Variants in CHD7 observed in about 807,000 individuals in gnomAD.
CHD7 encodes the protein ATP-dependent chromatin remodeler CHD7.
CHD7 carries 24 observed loss-of-function variants against 307.3 expected under a neutral mutation model. That is an observed-to-expected ratio of 0.08 (90% CI 0.06 to 0.11). CHD7 has a LOEUF of 0.11. CHD7 is among the 10% of genes least tolerant of loss of function. CHD7 has a pLI of 1.00. For missense variants in CHD7, 3,106 were observed against 3,727.1 expected (o/e 0.83, Z 4.34); for synonymous variants, 1,363 against 1,349.9 (o/e 1.01, Z -0.21).
At chr8:60,737,396 C>G (rs142695961) in intron 1 of CHD7, among the ~76,000 whole-genome samples, 10 of 152,228 alleles carry the variant, frequency 6.6e-5, no homozygotes, top group Middle Eastern at 3.4e-3. Flanking sequence ...TCATTTCTTT[C>G]ATCTTTGGGA....
Position 60,848,586 on chromosome 8 carries a change from T to C in CHD7, c.5282T>C (p.Leu1761Ser). ...EVIGDQADKI[L>S]EGADSSEADV... Reference sequence around the variant, plus strand: ...ATAGGAGACCAGGCGGATAAGATCTTAGAGGGTGCTGACTCAAGGTTAGTG... The same window carrying C: ...ATAGGAGACCAGGCGGATAAGATCTCAGAGGGTGCTGACTCAAGGTTAGTG... Residue 1761 changes from leucine to serine, a missense_variant, in exon 24 of 38, where the codon TTA (leucine) becomes TCA (serine). Around this residue, in one of 10 missense-constraint regions of CHD7, gnomAD observed 1,030 missense variants for 1,165.4 expected, o/e 0.88. Transcript: ENST00000423902. 1.2e-6 allele frequency: 2 copies of C among 1,613,434 alleles called. No individual in the cohort carries two copies. The highest frequency in any genetic ancestry group is 1.7e-6 in the Non-Finnish European group (2 of 1,179,626).
chr8:60,822,067 G>A lies in CHD7; in HGVS notation c.2879G>A (p.Arg960Lys), dbSNP rs1177102112. The A allele has an allele frequency of 6.2e-7, 1 of 1,613,822 alleles. No homozygotes were observed. The highest frequency in any genetic ancestry group is 1.1e-5 in the South Asian group (1 of 91,084). ...ADDWKKSESS[R>K]EYKNNNKLRE... ...GATTGGAAGAAATCGGAGAGTTCCA[G>A]GGAGTATAAAAACAATAACAAACTC... is the stretch of plus-strand genomic sequence containing the variant. The change falls in exon 11 of 38, where the codon AGG becomes AAG. Residue 960 changes from arginine to lysine, a missense_variant. Around this residue, in one of 10 missense-constraint regions of CHD7, gnomAD observed 188 missense variants for 261.7 expected, o/e 0.72. Transcript: ENST00000423902.
intron 3 of CHD7, among the ~76,000 whole-genome samples, chr8:60,783,940 T>C (rs1811377152): frequency 6.6e-6 from 1 of 152,198 alleles, no homozygotes; most frequent in Non-Finnish European, 1.5e-5. Context: ...GGTAGTTGAA[T>C]TGAGGTTTTA....
chr8:60,844,125 G>T (rs1805095918), intron 21 of CHD7, among the ~76,000 whole-genome samples: 1 of 152,202 alleles, frequency 6.6e-6, no homozygotes, highest in Admixed American at 6.5e-5. Flanking sequence ...GTACCTATTT[G>T]TTGTGTGGTC....
chr8:60,782,735 T>C (rs1264941538), intron 3 of CHD7, among the ~76,000 whole-genome samples: 2 of 152,228 alleles, frequency 1.3e-5, no homozygotes, highest in East Asian at 3.8e-4. Context: ...CTTTATAAAA[T>C]CTGTTTTTAT....
At chr8:60,838,471 A>T (rs987947943) in intron 19 of CHD7, among the ~76,000 whole-genome samples, 5 of 152,080 alleles carry the variant, frequency 3.3e-5, no homozygotes, top group Admixed American at 1.3e-4. Flanking sequence ...TCATCCTTGT[A>T]TCTGCTTCCC....
intron 15 of CHD7, among the ~76,000 whole-genome samples, 200 bp downstream of exon 15, chr8:60,830,777 C>T (rs1804475880): frequency 6.6e-6 from 1 of 152,104 alleles, no homozygotes; most frequent in Non-Finnish European, 1.5e-5. Flanking sequence ...CCCAGCAATC[C>T]CTGAAGTGGA....
At chr8:60,857,524 T>G (rs1194793345) in intron 34 of CHD7, among the ~76,000 whole-genome samples, 1 of 152,204 alleles carries the variant, frequency 6.6e-6, no homozygotes, top group Non-Finnish European at 1.5e-5. Flanking sequence ...TGACCAGAAT[T>G]TTATCCCAAA....
intron 1 of CHD7, among the ~76,000 whole-genome samples, chr8:60,720,931 C>G (rs1256715654): frequency 2.0e-5 from 3 of 152,206 alleles, no homozygotes; most frequent in Non-Finnish European, 4.4e-5. Context: ...CTATGGGAGT[C>G]CCTTAGAGCC....
chr8:60,793,939 A>G (rs1386577022), intron 3 of CHD7, among the ~76,000 whole-genome samples: 3 of 152,166 alleles, frequency 2.0e-5, no homozygotes, highest in African/African-American at 4.8e-5. Context: ...CATGACCAAC[A>G]TGGTGAAAGC....
chr8:60,689,322 A>G (rs1034619208), intron 1 of CHD7, among the ~76,000 whole-genome samples: 2 of 152,268 alleles, frequency 1.3e-5, no homozygotes, highest in Non-Finnish European at 2.9e-5. Flanking sequence ...GCTAACATTT[A>G]TGGAGCATAA....
At chr8:60,838,725 C>T (rs1466049727) in intron 19 of CHD7, among the ~76,000 whole-genome samples, 1 of 152,192 alleles carries the variant, frequency 6.6e-6, no homozygotes, top group Non-Finnish European at 1.5e-5. Flanking sequence ...CTACTGTCTC[C>T]CTTTCTACTT....
At chr8:60,825,395 G>A (rs1245029319) in intron 13 of CHD7, 4 of 152,170 alleles carry the variant, frequency 2.6e-5, no homozygotes, top group South Asian at 2.1e-4. Flanking sequence ...TTATTAAAGC[G>A]ATCCTAAGAT....
Position 60,742,157 on chromosome 8 carries a change from G to A in CHD7, c.725G>A (p.Ser242Asn). Residue 242 changes from serine to asparagine, a missense_variant, in exon 2 of 38, where the codon AGT (serine) becomes AAT (asparagine). Ser to Asn is a conservative substitution (Grantham distance 46). Coordinates refer to ENST00000423902, the MANE Select transcript of CHD7 (RefSeq NM_017780.4). ...CACTTGTCCCACGTGCCCCAGCAGAGTCCCAGCATGGCACCTTCCTTGCGT... is the reference window on the plus strand; with the variant it reads ...CACTTGTCCCACGTGCCCCAGCAGAATCCCAGCATGGCACCTTCCTTGCGT... ...PGHLSHVPQQ[S>N]PSMAPSLRHS... is the part of the protein sequence containing the mutation. The A allele has an allele frequency of 5.0e-6, 8 of 1,613,904 alleles. No individual in the cohort carries two copies. The highest frequency in any genetic ancestry group is 6.8e-6 in the Non-Finnish European group (8 of 1,179,870).
At chr8:60,691,205 T>C (rs761705160) in intron 1 of CHD7, among the ~76,000 whole-genome samples, 5 of 152,188 alleles carry the variant, frequency 3.3e-5, no homozygotes, top group African/African-American at 4.8e-5. Context: ...TACAGGTGTC[T>C]GTGCCCAGCT....
chr8:60,862,325 A>C lies in CHD7; in HGVS notation c.7960A>C (p.Asn2654His). Reference protein sequence around the residue: ...EERVPVVNKRNGKKMGGAMAP... With the variant: ...EERVPVVNKRHGKKMGGAMAP... ...AAGGGTGCCTGTTGTCAATAAACGA[A>C]ATGGGAAGAAGGTAAACGCTGGGAA... Residue 2654 changes from asparagine (N) to histidine (H), a missense_variant, in exon 36 of 38, where the codon AAT (asparagine) becomes CAT (histidine). Coordinates refer to ENST00000423902, the MANE Select transcript of CHD7 (RefSeq NM_017780.4). The C allele has an allele frequency of 6.2e-7, 1 of 1,603,198 alleles. No individual in the cohort carries two copies. The highest frequency in any genetic ancestry group is 8.5e-7 in the Non-Finnish European group (1 of 1,175,504).
intron 29 of CHD7, 97 bp from the exon 30 acceptor site, chr8:60,852,401 C>CT (rs1805495765): frequency 7.5e-7 from 1 of 1,333,690 alleles, no homozygotes; most frequent in Non-Finnish European, 1.0e-6. Flanking sequence ...CCCCAAATAA[C>CT]TACCATGTAT....
At chr8:60,772,609 C>T (rs1256493767) in intron 2 of CHD7, among the ~76,000 whole-genome samples, 1 of 152,140 alleles carries the variant, frequency 6.6e-6, no homozygotes, top group Non-Finnish European at 1.5e-5. Context: ...TTTGAGAACA[C>T]TATGGACCTT....
chr8:60,783,366 G>T (rs1417270247), intron 3 of CHD7, among the ~76,000 whole-genome samples: 4 of 152,160 alleles, frequency 2.6e-5, no homozygotes, highest in Admixed American at 2.6e-4. Context: ...AATCTAGTTA[G>T]TCCCAGGCAT....
Sources: gnomAD v4.1 joint callset for allele counts (sites outside exome capture counted in the v4.1 genomes callset) on GRCh38, gnomAD v4.1.1 for gene constraint, gnomAD v4.1.1 regional missense constraint, MANE v1.5 for transcripts, NCBI Gene and HGNC (gene_info 2026-07-23, HGNC 2026-07-21) for gene names.